EPRS1: variants seen among roughly 807,000 people sequenced by gnomAD.
The protein encoded by EPRS1 is bifunctional glutamate/proline--tRNA ligase.
In EPRS1, 107 loss-of-function variants were observed where a neutral mutation model predicts 188.3. The ratio of observed to expected loss-of-function variants is 0.57; its 90% CI spans 0.49 to 0.67. EPRS1 has a LOEUF of 0.67. EPRS1 is among the 30% of genes least tolerant of loss of function. The pLI is 0.00. For synonymous variants in EPRS1, 596 were observed against 593.1 expected (o/e 1.00, Z -0.07); for missense variants, 1,577 against 1,802.2 (o/e 0.88, Z 2.26).
chr1:220,028,632 A>G (rs1662030540), intron 6 of EPRS1, among the ~76,000 whole-genome samples: 1 of 152,148 alleles, frequency 6.6e-6, no homozygotes, highest in Admixed American at 6.6e-5. Flanking sequence ...CAACATATGA[A>G]TCTGTTTCCG....
At chr1:220,026,331 T>C (rs534938425) in intron 6 of EPRS1, among the ~76,000 whole-genome samples, 78 of 152,296 alleles carry the variant, frequency 5.1e-4, no homozygotes, top group African/African-American at 1.8e-3. Context: ...TCAGAGACAC[T>C]GTTGATAATA....
chr1:220,030,494 C>A lies in EPRS1; in HGVS notation c.529-14G>T. ...TTTCTCAGGTGCCTGAAAAACACAA[C>A]CACCATCACAACAAAAAGTCTTATG... On this transcript the variant is annotated splice_polypyrimidine_tract_variant and intron_variant, in intron 5 of 31. Transcript: ENST00000366923. 6.3e-7 allele frequency: 1 copy of A among 1,598,380 alleles called. No individual in the cohort carries two copies. The highest frequency in any genetic ancestry group is 1.1e-5 in the South Asian group (1 of 90,642).
intron 12 of EPRS1, among the ~76,000 whole-genome samples, chr1:220,014,327 C>CA (rs61690027): frequency 0.8 from 119,568 of 149,380 alleles, 47,942 homozygotes; most frequent in East Asian, 0.93. Flanking sequence ...GACTCCATCT[C>CA]AAAAAAAAAC....
chr1:219,973,401 A>G lies in EPRS1; in HGVS notation c.4084-3T>C, dbSNP rs191403372. 2.3e-5 allele frequency: 37 copies of G among 1,601,730 alleles called. No individual in the cohort carries two copies. In the African/African-American group the frequency reaches 3.9e-4, roughly 17 times the overall value. ...ACTTCAAGTCTAATGGGAACTCCCT[A>G]TAAGATAAAAAAGGCAGTTAAAATG... On this transcript the variant is annotated splice_region_variant and splice_polypyrimidine_tract_variant and intron_variant, in intron 28 of 31. Coordinates refer to ENST00000366923, the MANE Select transcript of EPRS1 (RefSeq NM_004446.3).
rs145908143 is a variant in EPRS1, at chr1:219,991,532, A to G, written c.2542-2709T>C. Among the ~76,000 whole-genome samples the G allele has an allele frequency of 4.9e-3, 743 of 152,290 alleles. 7 individuals are homozygous for G. Among genetic ancestry groups the G allele is most frequent in the African/African-American group, 0.017 (697 of 41,576 alleles). ...TCCAACTGAGTGAGGGAAGAGAGTGATGATGCTTGTATTATATTTTTTAAA... is the reference window on the plus strand; with the variant it reads ...TCCAACTGAGTGAGGGAAGAGAGTGGTGATGCTTGTATTATATTTTTTAAA... On this transcript the variant is annotated intron_variant, in intron 18 of 31. Transcript: ENST00000366923.
intron 6 of EPRS1, 43 bp from the exon 7 acceptor site, chr1:220,025,301 T>C: frequency 5.4e-6 from 8 of 1,489,646 alleles, no homozygotes; most frequent in Non-Finnish European, 6.4e-6. Flanking sequence ...TAACATGTTT[T>C]AACTAAATAC....
At chr1:220,012,783 T>C (rs10779394) in intron 12 of EPRS1, among the ~76,000 whole-genome samples, 52 of 9,678 alleles carry the variant, frequency 5.4e-3, no homozygotes, top group East Asian at 0.013. Context: ...AGCTAAGTTT[T>C]TGTTTTATTT....
intron 9 of EPRS1, among the ~76,000 whole-genome samples, chr1:220,021,285 C>A (rs1369689149): frequency 6.6e-6 from 1 of 152,074 alleles, no homozygotes; most frequent in African/African-American, 2.4e-5. Flanking sequence ...AACTCCTGGA[C>A]TGAAGCAATC....
At chr1:220,018,291 G>A in intron 12 of EPRS1, 158 bp downstream of exon 12, 1 of 892,370 alleles carries the variant, frequency 1.1e-6, no homozygotes, top group Non-Finnish European at 1.8e-6. Context: ...TGCTCTTCGT[G>A]TATTTAAAAA....
chr1:220,042,462 CAACAAGAATGA>C (rs1662314691), intron 1 of EPRS1, among the ~76,000 whole-genome samples: 2 of 138,278 alleles, frequency 1.4e-5, no homozygotes, highest in African/African-American at 5.4e-5. Context: ...CCAGCCTGAG[CAACAAGAATGA>C]AACCCCATCT....
rs750085336 is a variant in EPRS1, at chr1:219,973,390, G to A, written c.4092C>T (p.Pro1364=). The change falls in exon 29 of 32, where the codon CCC becomes CCT. Residue 1364 remains proline (P), a synonymous_variant. Transcript: ENST00000366923. ...KFNHWELKGV[P]IRLEVGPRDM... is the part of the protein sequence containing the mutation. ...CACGTGGCCCAACTTCAAGTCTAAT[G>A]GGAACTCCCTATAAGATAAAAAAGG... 8.1e-6 allele frequency: 13 copies of A among 1,610,046 alleles called. No homozygotes were observed. In the Admixed American group the frequency reaches 2.2e-4, roughly 27 times the overall value.
intron 2 of EPRS1, among the ~76,000 whole-genome samples, chr1:220,039,660 A>C (rs1004583247): frequency 6.6e-6 from 1 of 151,992 alleles, no homozygotes; most frequent in Non-Finnish European, 1.5e-5. Flanking sequence ...CTGGGATTAC[A>C]AGCATGTGCC....
Position 219,987,269 on chromosome 1 carries a change from T to C in EPRS1, c.2911A>G (p.Lys971Glu). The part of the protein sequence containing the change: ...KDKKKKEKEN[K>E]SEKQNKPQKQ... ...TGAGGCTTATTCTGCTTTTCAGATTTATTTTCTTTTTCTTTCTTCTTCTTA... is the reference window on the plus strand; with the variant it reads ...TGAGGCTTATTCTGCTTTTCAGATTCATTTTCTTTTTCTTTCTTCTTCTTA... Residue 971 changes from lysine (K) to glutamate (E), a missense_variant, in exon 20 of 32, where the codon AAA (lysine) becomes GAA (glutamate). Physicochemically the swap from Lys to Glu is moderately conservative, Grantham distance 56. Coordinates refer to ENST00000366923, the MANE Select transcript of EPRS1 (RefSeq NM_004446.3). 1 of 1,614,114 alleles carries C rather than the reference T, an allele frequency of 6.2e-7. No homozygotes were observed. Among genetic ancestry groups the C allele is most frequent in the Non-Finnish European group, 8.5e-7 (1 of 1,180,014 alleles).
intron 24 of EPRS1, 119 bp from the exon 25 acceptor site, chr1:219,980,976 T>C: frequency 1.6e-6 from 1 of 635,016 alleles, no homozygotes; most frequent in Non-Finnish European, 2.8e-6. Flanking sequence ...CATGACTCAC[T>C]GAAACCTCTG....
At chr1:219,990,286 TAAGTA>T (rs1401618394) in intron 18 of EPRS1, among the ~76,000 whole-genome samples, 1 of 152,178 alleles carries the variant, frequency 6.6e-6, no homozygotes, top group Admixed American at 6.6e-5. Context: ...TCTAGATAAC[TAAGTA>T]AATTACTCAG....
intron 15 of EPRS1, 99 bp downstream of exon 15, chr1:220,006,005 ATC>A: frequency 1.6e-6 from 1 of 634,704 alleles, no homozygotes; most frequent in Non-Finnish European, 2.6e-6. Flanking sequence ...AATTCTACAC[ATC>A]TTATCCATTT....
chr1:220,008,697 T>C (rs558964912), intron 13 of EPRS1, among the ~76,000 whole-genome samples: 1 of 152,200 alleles, frequency 6.6e-6, no homozygotes, highest in Non-Finnish European at 1.5e-5. Flanking sequence ...TTTAATTTTT[T>C]AAATTTTATT....
At chr1:220,005,132 G>T in intron 16 of EPRS1, 116 bp downstream of exon 16, 1 of 423,074 alleles carries the variant, frequency 2.4e-6, no homozygotes, top group Non-Finnish European at 4.2e-6. Context: ...AAAACTGAGA[G>T]ACTGAGAAAG....
intron 20 of EPRS1, 103 bp downstream of exon 20, chr1:219,987,038 TA>T: frequency 8.1e-7 from 1 of 1,235,782 alleles, no homozygotes; most frequent in Non-Finnish European, 1.1e-6. Flanking sequence ...TAGCGTTCTC[TA>T]ACTTAATGTG....
Sources: gnomAD v4.1 joint callset for allele counts (sites outside exome capture counted in the v4.1 genomes callset) on GRCh38, gnomAD v4.1.1 for gene constraint, MANE v1.5 for transcripts, NCBI Gene and HGNC (gene_info 2026-07-23, HGNC 2026-07-21) for gene names.